The following SLC12A8 variants were observed in gnomAD, a reference collection of about 807,000 sequenced individuals.
SLC12A8 encodes solute carrier family 12 member 8, also known as cation-chloride cotransporter 9.
SLC12A8 carries 69 observed loss-of-function variants against 75.6 expected under a neutral mutation model. The ratio of observed to expected loss-of-function variants is 0.91; its 90% CI spans 0.75 to 1.11. The LOEUF (loss-of-function observed/expected upper bound fraction) is 1.11. SLC12A8 is among the 50% of genes most tolerant of loss of function. SLC12A8 has a pLI of 0.00. For missense variants in SLC12A8, 877 were observed against 896.7 expected, an observed-to-expected ratio of 0.98 and a Z score of 0.28; for synonymous variants, 365 against 372.8, an observed-to-expected ratio of 0.98 and a Z score of 0.24.
intron 10 of SLC12A8, among the ~76,000 whole-genome samples, chr3:125,101,273 C>G (rs1053176912): frequency 1.3e-5 from 2 of 152,118 alleles, no homozygotes; most frequent in Non-Finnish European, 2.9e-5. Flanking sequence ...TGGGCTTCAG[C>G]GAAATAGCTC....
chr3:125,132,949 G>A (rs1427257224), intron 6 of SLC12A8, among the ~76,000 whole-genome samples: 1 of 152,204 alleles, frequency 6.6e-6, no homozygotes. Flanking sequence ...AATGCAAGGG[G>A]AAGTGGGTTG....
At position 125,107,682 on chromosome 3, in the gene SLC12A8, G is replaced by A; in HGVS notation, c.1504C>T (p.Gln502Ter). 1.2e-6 allele frequency: 2 copies of A among 1,614,190 alleles called. No individual in the cohort carries two copies. The highest frequency in any genetic ancestry group is 1.7e-6 in the Non-Finnish European group (2 of 1,180,024). Residue 502 changes from glutamine to a stop codon, truncating the protein, a stop_gained, in exon 10 of 14, where the codon CAA becomes TAA. Transcript: ENST00000469902. LOFTEE classifies it high-confidence loss of function. ...TTGAGGTCCAAGAGGAAGCTATCTT[G>A]TAGGGTCTGCTTGGTGGCCTTCTTG... ...KSKKATKQTL[Q>*]DSFLLDLKSP...
chr3:125,152,970 A>T (rs1933964734), intron 5 of SLC12A8, among the ~76,000 whole-genome samples: 1 of 152,182 alleles, frequency 6.6e-6, no homozygotes, highest in Non-Finnish European at 1.5e-5. Context: ...GAAGAAAGAA[A>T]GGGAGGCGGA....
chr3:125,156,838 A>G (rs1338786154), intron 5 of SLC12A8, among the ~76,000 whole-genome samples: 2 of 152,230 alleles, frequency 1.3e-5, no homozygotes, highest in African/African-American at 4.8e-5. Flanking sequence ...AGGGCTCCAA[A>G]GAGCAAATCT....
intron 5 of SLC12A8, among the ~76,000 whole-genome samples, chr3:125,165,309 C>T (rs751494043): frequency 3.9e-5 from 6 of 152,206 alleles, no homozygotes; most frequent in East Asian, 1.9e-4. Context: ...TGTCCTGGGA[C>T]GAGCCTTTCC....
chr3:125,172,169 G>A (rs935881538), intron 5 of SLC12A8, among the ~76,000 whole-genome samples: 2 of 152,022 alleles, frequency 1.3e-5, no homozygotes, highest in African/African-American at 4.8e-5. Flanking sequence ...AGCTACTCAG[G>A]AGGCTGAGGC....
chr3:125,115,360 A>G (rs1939284066), intron 8 of SLC12A8, among the ~76,000 whole-genome samples: 1 of 152,096 alleles, frequency 6.6e-6, no homozygotes, highest in Non-Finnish European at 1.5e-5. Flanking sequence ...CGTTTCTACT[A>G]AAAATACAAA....
rs200646050 is a variant in SLC12A8 at position 125,083,721 on chromosome 3, CA to C, written c.*168del. The C allele has an allele frequency of 0.27, 151,685 of 552,466 alleles. 4,142 individuals are homozygous for C. The highest frequency in any genetic ancestry group is 0.39 in the African/African-American group (17,524 of 45,260). The allele number at this position is 552,466 out of a possible 1,614,324, so 34.2% of individuals were successfully genotyped here. ...TGGGTGACAGGGCGAGACTCTGTCTCAAAAAAAAAAAAAAAGGGAAAAGAAA... is the reference window on the plus strand; with the variant it reads ...TGGGTGACAGGGCGAGACTCTGTCTCAAAAAAAAAAAAAAGGGAAAAGAAA... On this transcript the variant is annotated 3_prime_UTR_variant, in exon 14 of 14. Transcript: ENST00000469902.
chr3:125,205,727 C>T (rs1008717441), intron 2 of SLC12A8, among the ~76,000 whole-genome samples: 1 of 152,212 alleles, frequency 6.6e-6, no homozygotes, highest in Non-Finnish European at 1.5e-5. Context: ...AAGCTAACAG[C>T]TTAAGCCTTA....
chr3:125,147,347 C>T (rs562644368), intron 5 of SLC12A8, among the ~76,000 whole-genome samples: 16 of 152,342 alleles, frequency 1.1e-4, no homozygotes, highest in South Asian at 2.1e-4. Flanking sequence ...GGCTGCACTC[C>T]GCTTCCCTTT....
At chr3:125,141,711 C>G (rs909604089) in intron 5 of SLC12A8, among the ~76,000 whole-genome samples, 1 of 152,234 alleles carries the variant, frequency 6.6e-6, no homozygotes, top group Non-Finnish European at 1.5e-5. Flanking sequence ...GGGCTGCTGC[C>G]GCGGCGGGGG....
intron 13 of SLC12A8, among the ~76,000 whole-genome samples, chr3:125,084,771 G>A (rs2948815): frequency 0.59 from 90,007 of 152,116 alleles, 27,860 homozygotes; most frequent in African/African-American, 0.78. Context: ...AATCAGCTAG[G>A]TGGCCTCCAG....
At chr3:125,163,615 A>T (rs1414461761) in intron 5 of SLC12A8, among the ~76,000 whole-genome samples, 9 of 147,012 alleles carry the variant, frequency 6.1e-5, no homozygotes, top group Middle Eastern at 3.6e-3. Flanking sequence ...AAAAAAAATT[A>T]AAAAAAAAGA....
At chr3:125,160,479 T>G (rs1934143014) in intron 5 of SLC12A8, among the ~76,000 whole-genome samples, 3 of 152,266 alleles carry the variant, frequency 2.0e-5, no homozygotes. Context: ...GATAACTATC[T>G]GCAAGTGAAG....
At position 125,182,053 on chromosome 3, in the gene SLC12A8, A is replaced by G. The variant is rs562356134; in HGVS notation, c.391-4079T>C. ...AAATACAAGGCTGGGTGCCGGGTGCAGTGGTTTACGCCTATAATCCCAGCA... is the reference window on the plus strand; with the variant it reads ...AAATACAAGGCTGGGTGCCGGGTGCGGTGGTTTACGCCTATAATCCCAGCA... On this transcript the variant is annotated intron_variant, in intron 4 of 13. Coordinates refer to ENST00000469902, the MANE Select transcript of SLC12A8 (RefSeq NM_024628.6). 6.6e-5 allele frequency among the ~76,000 whole-genome samples: 10 copies of G among 152,258 alleles called. 1 individual carries two copies. The South Asian group carries it at 1.9e-3, about 28-fold the overall frequency.
intron 5 of SLC12A8, among the ~76,000 whole-genome samples, chr3:125,145,770 A>G (rs1290163251): frequency 6.6e-6 from 1 of 152,272 alleles, no homozygotes; most frequent in African/African-American, 2.4e-5. Flanking sequence ...ATTATATTAT[A>G]ATAAAAGTTT....
chr3:125,162,059 C>T (rs1369190700), intron 5 of SLC12A8, among the ~76,000 whole-genome samples: 4 of 152,200 alleles, frequency 2.6e-5, no homozygotes, highest in African/African-American at 4.8e-5. Context: ...GGAATACCTG[C>T]GAACTGCTGC....
At chr3:125,208,811 G>GAGAGAGAA (rs1553797735) in intron 2 of SLC12A8, among the ~76,000 whole-genome samples, 191 of 141,540 alleles carry the variant, frequency 1.3e-3, no homozygotes, top group East Asian at 2.0e-3. Flanking sequence ...GAGAGAGAGA[G>GAGAGAGAA]AGAGAGAGAG....
intron 2 of SLC12A8, among the ~76,000 whole-genome samples, chr3:125,208,747 TACACACACACAC>T (rs61130966): frequency 9.1e-5 from 8 of 87,432 alleles, no homozygotes; most frequent in South Asian, 4.6e-4. Context: ...CTGACCAATC[TACACACACACAC>T]ACACACACAC....
Sources: gnomAD v4.1 joint callset for allele counts (sites outside exome capture counted in the v4.1 genomes callset) on GRCh38, gnomAD v4.1.1 for gene constraint, MANE v1.5 for transcripts, NCBI Gene and HGNC (gene_info 2026-07-23, HGNC 2026-07-21) for gene names.